The following DSN1 variants were observed in gnomAD, a reference collection of about 807,000 sequenced individuals.
DSN1 encodes kinetochore-associated protein DSN1 homolog.
A neutral mutation model predicts 45.7 loss-of-function variants in DSN1; 31 were observed. That is an observed-to-expected ratio of 0.68 (90% CI 0.51 to 0.92). DSN1 has a LOEUF of 0.92. DSN1 is among the 40% of genes least tolerant of loss of function. DSN1 has a pLI of 0.00. For missense variants in DSN1, 394 were observed against 414.2 expected, an observed-to-expected ratio of 0.95 and a Z score of 0.42; for synonymous variants, 134 against 142.3, an observed-to-expected ratio of 0.94 and a Z score of 0.41.
chr20:36,755,597 T>A, intron 9 of DSN1, 85 bp downstream of exon 9: 5 of 1,495,092 alleles, frequency 3.3e-6, no homozygotes, highest in Non-Finnish European at 4.5e-6. Context: ...CTTACACTTA[T>A]ACATTTCTCC....
intron 3 of DSN1, among the ~76,000 whole-genome samples, chr20:36,768,720 A>C (rs1484223946): frequency 6.6e-6 from 1 of 152,150 alleles, no homozygotes; most frequent in Non-Finnish European, 1.5e-5. Context: ...ATGTGCTTTA[A>C]ACACTCTGTA....
intron 5 of DSN1, among the ~76,000 whole-genome samples, chr20:36,763,266 G>C (rs527701261): frequency 1.6e-4 from 25 of 151,998 alleles, no homozygotes; most frequent in African/African-American, 5.5e-4. Flanking sequence ...ATACCTGGGC[G>C]TGGTGGTACA....
intron 5 of DSN1, among the ~76,000 whole-genome samples, chr20:36,763,410 G>GAAAAAAAAAAAAAAAAAA (rs71186016): frequency 1.2e-5 from 1 of 84,098 alleles, no homozygotes; most frequent in Non-Finnish European, 2.0e-5. Flanking sequence ...CTCAAAAAAA[G>GAAAAAAAAAAAAAAAAAA]AAAAAAAAAA....
At chr20:36,763,000 T>C (rs944415780) in intron 5 of DSN1, among the ~76,000 whole-genome samples, 2 of 152,252 alleles carry the variant, frequency 1.3e-5, no homozygotes, top group Non-Finnish European at 2.9e-5. Flanking sequence ...GCGATTCGCC[T>C]GCCTCAGCTT....
Position 36,762,486 on chromosome 20 carries a change from G to A in DSN1, c.565C>T (p.Gln189Ter), listed in dbSNP as rs763070101. Residue 189 changes from glutamine (Q) to a stop codon, truncating the protein, a stop_gained, in exon 6 of 11, where the codon CAA (glutamine) becomes TAA (stop). Transcript: ENST00000373750. LOFTEE classifies it high-confidence loss of function. ...ADGLETDGTL[Q>*]KCFEDSNGKA... ...CCATTTGAATCTTCAAAACATTTTT[G>A]TAGAGTTCCATCAGTTTCCAGTCCG... 5 of 1,613,588 alleles carry A rather than the reference G, an allele frequency of 3.1e-6. No homozygotes were observed. Among genetic ancestry groups the A allele is most frequent in the Non-Finnish European group, 4.2e-6 (5 of 1,179,802 alleles).
intron 4 of DSN1, among the ~76,000 whole-genome samples, chr20:36,767,738 C>T (rs1396841669): frequency 6.6e-6 from 1 of 152,014 alleles, no homozygotes; most frequent in Non-Finnish European, 1.5e-5. Context: ...CCTGTCTCTA[C>T]TAAAAGTACA....
At chr20:36,765,846 T>TAAAAAAA (rs72491027) in intron 5 of DSN1, among the ~76,000 whole-genome samples, 51 of 69,292 alleles carry the variant, frequency 7.4e-4, no homozygotes, top group Non-Finnish European at 1.2e-3. Flanking sequence ...AGCAAAAGAC[T>TAAAAAAA]AAAAAAAAAA....
In DSN1 at chr20:36,771,176, A is replaced by C. The variant is rs752822920; in HGVS notation, c.52T>G (p.Ser18Ala). 5 of 1,604,236 alleles carry C rather than the reference A, an allele frequency of 3.1e-6. No homozygotes were observed. In the Admixed American group the frequency reaches 8.5e-5, roughly 27 times the overall value. ...TCCAATTGATGATCATGAGTCTTAG[A>C]CATCACTGGTCCTTTTTCTAGTATT... is the stretch of plus-strand genomic sequence containing the variant. ...EIIDEKGPVMSKTHDHQLESS... is the reference protein window; with the variant it reads ...EIIDEKGPVMAKTHDHQLESS... The change falls in exon 3 of 11, where the codon TCT becomes GCT. Residue 18 changes from serine (S) to alanine (A), a missense_variant. Ser to Ala is a moderately conservative substitution (Grantham distance 99). Transcript: ENST00000373750.
At chr20:36,768,950 CA>C (rs768519656) in intron 3 of DSN1, among the ~76,000 whole-genome samples, 37 of 152,110 alleles carry the variant, frequency 2.4e-4, no homozygotes, top group Non-Finnish European at 4.7e-4. Context: ...ATTTGTTGAA[CA>C]CTTGCTATAT....
chr20:36,760,199 G>A (rs1342466350), intron 6 of DSN1, among the ~76,000 whole-genome samples: 5 of 151,878 alleles, frequency 3.3e-5, no homozygotes, highest in African/African-American at 4.8e-5. Context: ...AGCTGAGATC[G>A]TGCCACTGCA....
intron 1 of DSN1, 39 bp from the exon 2 acceptor site, chr20:36,771,512 T>G: frequency 6.3e-7 from 1 of 1,595,684 alleles, no homozygotes; most frequent in African/African-American, 1.3e-5. Context: ...TTCTTCACGT[T>G]TCACTGCAGT....
At chr20:36,756,199 C>T (rs1407687192) in intron 8 of DSN1, among the ~76,000 whole-genome samples, 1 of 152,130 alleles carries the variant, frequency 6.6e-6, no homozygotes, top group Non-Finnish European at 1.5e-5. Context: ...CCAGGCTGGT[C>T]TCGAACTCCT....
At position 36,773,698 on chromosome 20, in the gene DSN1, C is replaced by T. The variant is rs933579727; in HGVS notation, c.-52G>A. The T allele has an allele frequency of 1.8e-5, 18 of 985,572 alleles. No homozygotes were observed. Among genetic ancestry groups the T allele is most frequent in the Non-Finnish European group, 2.2e-5 (18 of 830,114 alleles). 61.1% of individuals were successfully genotyped at this position (985,572 alleles called of 1,614,324 possible). Reference sequence around the variant, plus strand: ...GGCCACGGGTCGCTCTCCACAGCCCCAGGTCACTCCTGGACGCCTTGCGCA... The same window carrying T: ...GGCCACGGGTCGCTCTCCACAGCCCTAGGTCACTCCTGGACGCCTTGCGCA... On this transcript the variant is annotated 5_prime_UTR_variant, in exon 1 of 11. Transcript: ENST00000373750.
rs1986441274 is a variant in DSN1 at position 36,752,774 on chromosome 20, A to C, written c.*14T>G. 2 of 1,609,786 alleles carry C rather than the reference A, an allele frequency of 1.2e-6. No individual in the cohort carries two copies. Among genetic ancestry groups the C allele is most frequent in the East Asian group, 4.5e-5 (2 of 44,862 alleles). ...TCTCCTCTTGGGCACCTTGTGGCAG[A>C]AACTCTCATAAAGTCACTGACAAGA... On this transcript the variant is annotated 3_prime_UTR_variant, in exon 11 of 11. Transcript: ENST00000373750.
At chr20:36,764,279 A>G (rs889582690) in intron 5 of DSN1, among the ~76,000 whole-genome samples, 1 of 152,150 alleles carries the variant, frequency 6.6e-6, no homozygotes, top group Non-Finnish European at 1.5e-5. Context: ...AGACTTGAAG[A>G]GTCCACTACT....
Position 36,752,609 on chromosome 20 carries a change from A to C in DSN1, c.*179T>G, listed in dbSNP as rs1251170240. 1.9e-6 allele frequency: 1 copy of C among 528,656 alleles called. No homozygotes were observed. Among genetic ancestry groups the C allele is most frequent in the Non-Finnish European group, 3.4e-6 (1 of 297,606 alleles). The allele number at this position is 528,656 out of a possible 1,614,324, so 32.7% of individuals were successfully genotyped here. A position where few individuals can be genotyped will look rare whatever the true frequency, so the allele number is the denominator to read the frequency against. ...GCACATTCCTGGGAAAATTGTCTATACAATATTCATTTGGATGTACAAATT... is the reference window on the plus strand; with the variant it reads ...GCACATTCCTGGGAAAATTGTCTATCCAATATTCATTTGGATGTACAAATT... On this transcript the variant is annotated 3_prime_UTR_variant, in exon 11 of 11. Coordinates refer to ENST00000373750, the MANE Select transcript of DSN1 (RefSeq NM_001145315.2).
intron 4 of DSN1, 100 bp from the exon 5 acceptor site, chr20:36,766,941 A>G: frequency 1.4e-6 from 1 of 731,020 alleles, no homozygotes; most frequent in Non-Finnish European, 2.2e-6. Context: ...GAAACTAAAT[A>G]CTAAATATGA....
rs568226283 is a variant in DSN1, at chr20:36,753,960, C to T, written c.961+803G>A. 4.6e-5 allele frequency among the ~76,000 whole-genome samples: 7 copies of T among 151,350 alleles called. No individual in the cohort carries two copies. In the South Asian group the frequency reaches 8.3e-4, roughly 18 times the overall value. Reference sequence around the variant, plus strand: ...AGCAGAGGTTGCAGTGAGCCGAGATCGCACCATTGCACTCTAGCCTGGGCA... The same window carrying T: ...AGCAGAGGTTGCAGTGAGCCGAGATTGCACCATTGCACTCTAGCCTGGGCA... On this transcript the variant is annotated intron_variant, in intron 10 of 10. Coordinates refer to ENST00000373750, the MANE Select transcript of DSN1 (RefSeq NM_001145315.2).
chr20:36,768,378 A>G (rs1568698540), intron 3 of DSN1, among the ~76,000 whole-genome samples: 1 of 152,180 alleles, frequency 6.6e-6, no homozygotes, highest in Non-Finnish European at 1.5e-5. Context: ...TCCCGTCTCT[A>G]CTAAAAACAG....
Sources: gnomAD v4.1 joint callset for allele counts (sites outside exome capture counted in the v4.1 genomes callset) on GRCh38, gnomAD v4.1.1 for gene constraint, MANE v1.5 for transcripts, NCBI Gene and HGNC (gene_info 2026-07-23, HGNC 2026-07-21) for gene names.